SOX6: variants seen among roughly 807,000 people sequenced by gnomAD.
SOX6 encodes transcription factor SOX-6.
Under a neutral mutation model 97.8 loss-of-function variants are expected in SOX6, and 11 were observed. The ratio of observed to expected loss-of-function variants is 0.11; its 90% CI spans 0.07 to 0.19. The LOEUF (loss-of-function observed/expected upper bound fraction) is 0.19, where lower values mean the gene tolerates loss of function less well. Among genes scored for constraint, SOX6 ranks in the 10% least tolerant of loss-of-function variants. SOX6 has a pLI of 1.00. For missense variants in SOX6, 810 were observed against 1,039.5 expected (o/e 0.78, Z 3.04); for synonymous variants, 360 against 371.4 (o/e 0.97, Z 0.35).
intron 4 of SOX6, among the ~76,000 whole-genome samples, chr11:16,608,531 A>T (rs1426495993): frequency 6.6e-6 from 1 of 152,136 alleles, no homozygotes; most frequent in Non-Finnish European, 1.5e-5. Context: ...TGATGAAAAC[A>T]CACCACTTAG....
At chr11:16,107,399 A>ATG (rs1849116174) in intron 7 of SOX6, among the ~76,000 whole-genome samples, 1 of 147,388 alleles carries the variant, frequency 6.8e-6, no homozygotes, top group African/African-American at 2.5e-5. Flanking sequence ...ATATATGTAT[A>ATG]TATATGTATA....
At chr11:15,997,404 G>C (rs1481014977) in intron 13 of SOX6, among the ~76,000 whole-genome samples, 2 of 152,182 alleles carry the variant, frequency 1.3e-5, no homozygotes, top group Non-Finnish European at 2.9e-5. Flanking sequence ...ACAGAGGTTT[G>C]AGTGTAAGTG....
At chr11:16,375,104 AT>A (rs1395890301) in intron 1 of SOX6, among the ~76,000 whole-genome samples, 2 of 152,052 alleles carry the variant, frequency 1.3e-5, no homozygotes, top group Non-Finnish European at 2.9e-5. Context: ...ATATAAAAAA[AT>A]AGGTATAAAT....
intron 3 of SOX6, among the ~76,000 whole-genome samples, chr11:16,686,652 T>C (rs1032382242): frequency 3.9e-5 from 6 of 152,224 alleles, no homozygotes; most frequent in African/African-American, 1.4e-4. Context: ...AGTTATAAAC[T>C]TTCCCTCATT....
intron 4 of SOX6, among the ~76,000 whole-genome samples, chr11:16,227,144 TACTTTGTAA>T (rs1325458648): frequency 1.3e-5 from 2 of 152,238 alleles, no homozygotes; most frequent in Non-Finnish European, 2.9e-5. Flanking sequence ...GTTAGATGTT[TACTTTGTAA>T]ACAATAAGAT....
intron 4 of SOX6, among the ~76,000 whole-genome samples, chr11:16,521,195 C>T (rs775268636): frequency 6.6e-6 from 1 of 152,172 alleles, no homozygotes; most frequent in African/African-American, 2.4e-5. Context: ...GGTCCCTGAC[C>T]CCTGAACCCC....
intron 1 of SOX6, among the ~76,000 whole-genome samples, chr11:16,439,674 A>G (rs1859464589): frequency 6.6e-6 from 1 of 152,190 alleles, no homozygotes; most frequent in Non-Finnish European, 1.5e-5. Context: ...TTCCTCTTCC[A>G]TAAAATTTTA....
intron 6 of SOX6, among the ~76,000 whole-genome samples, chr11:16,166,399 A>G (rs990924539): frequency 3.3e-5 from 5 of 152,222 alleles, no homozygotes; most frequent in African/African-American, 1.2e-4. Context: ...ATTTGCTTCA[A>G]TAAGTGATGA....
chr11:16,507,740 C>A (rs2133148816), intron 4 of SOX6, among the ~76,000 whole-genome samples: 1 of 152,222 alleles, frequency 6.6e-6, no homozygotes, highest in South Asian at 2.1e-4. Flanking sequence ...AGACTAAAAT[C>A]AACTCAAGAT....
At chr11:16,351,035 A>C (rs1856934877) in intron 1 of SOX6, among the ~76,000 whole-genome samples, 2 of 152,218 alleles carry the variant, frequency 1.3e-5, no homozygotes, top group Non-Finnish European at 1.5e-5. Flanking sequence ...CAAGCATCTC[A>C]TTAAGTCATA....
chr11:16,147,827 C>T (rs1850351207), intron 6 of SOX6, among the ~76,000 whole-genome samples: 1 of 152,194 alleles, frequency 6.6e-6, no homozygotes, highest in Non-Finnish European at 1.5e-5. Context: ...CTTCTAGTTA[C>T]TCTCCTCTTC....
At chr11:16,244,285 T>A (rs1368819826) in intron 3 of SOX6, among the ~76,000 whole-genome samples, 1 of 151,912 alleles carries the variant, frequency 6.6e-6, no homozygotes, top group Non-Finnish European at 1.5e-5. Context: ...CATATTTTCA[T>A]ATGCTTTTTG....
chr11:16,707,978 TAAG>T (rs1274053468), intron 3 of SOX6, among the ~76,000 whole-genome samples: 1 of 152,140 alleles, frequency 6.6e-6, no homozygotes, highest in Non-Finnish European at 1.5e-5. Context: ...AATATTCAGA[TAAG>T]AAAGTATTTT....
chr11:16,436,700 T>C (rs928801049), intron 1 of SOX6, among the ~76,000 whole-genome samples: 2 of 152,202 alleles, frequency 1.3e-5, no homozygotes, highest in Admixed American at 6.5e-5. Context: ...TTTACTGGGT[T>C]GTTGGAAGGA....
chr11:16,398,229 G>T (rs1346342053), intron 1 of SOX6, among the ~76,000 whole-genome samples: 2 of 151,514 alleles, frequency 1.3e-5, no homozygotes, highest in African/African-American at 2.4e-5. Flanking sequence ...GGACTCCAAC[G>T]CAATCCCTTA....
chr11:16,302,570 T>C (rs898309564), intron 3 of SOX6, among the ~76,000 whole-genome samples: 18 of 137,464 alleles, frequency 1.3e-4, no homozygotes, highest in African/African-American at 3.0e-4. Context: ...TTTTTTCTTT[T>C]TTTTTTTTTT....
intron 4 of SOX6, among the ~76,000 whole-genome samples, chr11:16,571,041 C>T (rs1847933002): frequency 6.6e-6 from 1 of 152,088 alleles, no homozygotes; most frequent in South Asian, 2.1e-4. Context: ...AATATTTAAT[C>T]TACTTGAACA....
intron 4 of SOX6, among the ~76,000 whole-genome samples, chr11:16,490,345 C>G (rs909836598): frequency 6.6e-6 from 1 of 151,954 alleles, no homozygotes; most frequent in Non-Finnish European, 1.5e-5. Flanking sequence ...CTAAATAGCT[C>G]TCTTATCTAT....
At chr11:16,383,553 G>A (rs966520023) in intron 1 of SOX6, among the ~76,000 whole-genome samples, 4 of 151,906 alleles carry the variant, frequency 2.6e-5, no homozygotes, top group African/African-American at 4.8e-5. Context: ...ACTTGCTGGA[G>A]TGTTGCAGGA....
Sources: gnomAD v4.1 joint callset for allele counts (sites outside exome capture counted in the v4.1 genomes callset) on GRCh38, gnomAD v4.1.1 for gene constraint, MANE v1.5 for transcripts, NCBI Gene and HGNC (gene_info 2026-07-23, HGNC 2026-07-21) for gene names.